DYNC1LI2: variants seen among roughly 807,000 people sequenced by gnomAD.
DYNC1LI2 encodes the protein cytoplasmic dynein 1 light intermediate chain 2.
DYNC1LI2 carries 19 observed loss-of-function variants against 57.8 expected under a neutral mutation model. That is an observed-to-expected ratio of 0.33 (90% CI 0.23 to 0.48). The LOEUF is 0.48. Among genes scored for constraint, DYNC1LI2 ranks in the 20% least tolerant of loss-of-function variants. The pLI is 0.99. For synonymous variants in DYNC1LI2, 256 were observed against 233.4 expected (o/e 1.10, Z -0.88); for missense variants, 470 against 604.2 (o/e 0.78, Z 2.33).
intron 5 of DYNC1LI2, among the ~76,000 whole-genome samples, chr16:66,734,897 T>C (rs1343414756): frequency 1.4e-5 from 2 of 139,482 alleles, no homozygotes; most frequent in Non-Finnish European, 1.5e-5. Flanking sequence ...CTCAGGAGGC[T>C]GAGGTAGGAG....
At chr16:66,728,165 T>C (rs1189277844) in intron 10 of DYNC1LI2, 36 bp downstream of exon 10, 12 of 1,613,584 alleles carry the variant, frequency 7.4e-6, no homozygotes, top group Non-Finnish European at 9.3e-6. Context: ...CCCACAACAC[T>C]GGGCCTTGAC....
At chr16:66,725,990 A>C in intron 11 of DYNC1LI2, 46 bp from the exon 12 acceptor site, 1 of 1,588,648 alleles carries the variant, frequency 6.3e-7, no homozygotes, top group Non-Finnish European at 8.5e-7. Flanking sequence ...AAACTGGAAG[A>C]CTTAAAATTA....
intron 4 of DYNC1LI2, 150 bp downstream of exon 4, chr16:66,742,288 G>A: frequency 4.2e-6 from 3 of 720,632 alleles, no homozygotes; most frequent in Non-Finnish European, 6.7e-6. Flanking sequence ...TTTGACTACT[G>A]AGTTTACAAG....
intron 4 of DYNC1LI2, chr16:66,738,349 A>G (rs571380526): frequency 1.3e-5 from 2 of 149,098 alleles, no homozygotes; most frequent in Non-Finnish European, 1.5e-5. Flanking sequence ...GCCGGGTTTA[A>G]GTAATTCTCT....
intron 3 of DYNC1LI2, among the ~76,000 whole-genome samples, chr16:66,748,272 T>G (rs1412475923): frequency 1.2e-5 from 1 of 80,886 alleles, no homozygotes; most frequent in African/African-American, 6.2e-5. Context: ...AGTAAAACCC[T>G]GTCTCAAAAA....
intron 9 of DYNC1LI2, 134 bp from the exon 10 acceptor site, chr16:66,728,376 G>A (rs1026308067): frequency 6.1e-6 from 6 of 985,644 alleles, no homozygotes; most frequent in Non-Finnish European, 8.9e-6. Context: ...TTATACCACA[G>A]ATGCCAAAAA....
intron 2 of DYNC1LI2, among the ~76,000 whole-genome samples, chr16:66,749,655 AG>A (rs1357073238): frequency 6.6e-6 from 1 of 152,218 alleles, no homozygotes; most frequent in African/African-American, 2.4e-5. Context: ...GTTTCTCACA[AG>A]AAAAAGTTTC....
In DYNC1LI2 at chr16:66,721,250, A is replaced by G. The variant is rs2017446840; in HGVS notation, c.*2472T>C. On this transcript the variant is annotated 3_prime_UTR_variant, in exon 13 of 13. Coordinates refer to ENST00000258198, the MANE Select transcript of DYNC1LI2 (RefSeq NM_006141.3). ...AGTGCAAACAAAATAACAATCTAGC[A>G]GCATTATCTGTTGCATTTTTAGGAA... 1 of 152,622 alleles carries G rather than the reference A, an allele frequency of 6.6e-6. No individual in the cohort carries two copies. Among genetic ancestry groups the G allele is most frequent in the Non-Finnish European group, 1.5e-5 (1 of 68,044 alleles). The allele number at this position is 152,622 out of a possible 1,614,324, so 9.5% of individuals were successfully genotyped here.
rs551532207 is a variant in DYNC1LI2 at position 66,737,937 on chromosome 16, T to C, written c.530-1693A>G. ...AGCCAGAGAAGAAAACAGGCAGCTC[T>C]ACCCTTCTAAGTCCAGTAAGACTGA... On this transcript the variant is annotated intron_variant, in intron 4 of 12. Transcript: ENST00000258198. Among the ~76,000 whole-genome samples, 9 of 152,292 alleles carry C rather than the reference T, an allele frequency of 5.9e-5. No homozygotes were observed. In the South Asian group the frequency reaches 1.7e-3, roughly 28 times the overall value.
chr16:66,745,520 C>T (rs540644970), intron 3 of DYNC1LI2, among the ~76,000 whole-genome samples: 16 of 148,576 alleles, frequency 1.1e-4, no homozygotes, highest in African/African-American at 3.9e-4. Flanking sequence ...TCAAGGGGTC[C>T]GCCCACCTCA....
At position 66,722,337 on chromosome 16, in the gene DYNC1LI2, T is replaced by C. The variant is rs974148764; in HGVS notation, c.*1385A>G. On this transcript the variant is annotated 3_prime_UTR_variant, in exon 13 of 13. Transcript: ENST00000258198. ...CTCCACATGGTGAACTGTGGTTTTT[T>C]CCCTTGGTTTGACAACATTTTATAC... 5 of 152,658 alleles carry C rather than the reference T, an allele frequency of 3.3e-5. No homozygotes were observed. The highest frequency in any genetic ancestry group is 3.3e-4 in the Admixed American group (5 of 15,284). 9.5% of individuals were successfully genotyped at this position (152,658 alleles called of 1,614,324 possible).
At chr16:66,725,473 C>T (rs6499095) in intron 12 of DYNC1LI2, among the ~76,000 whole-genome samples, 76,707 of 151,816 alleles carry the variant, frequency 0.51, 20,255 homozygotes, top group African/African-American at 0.64. Flanking sequence ...CAAAACTCCA[C>T]CTTGGAAAAA....
In DYNC1LI2 at chr16:66,722,961, T is replaced by C. The variant is rs1013542892; in HGVS notation, c.*761A>G. On this transcript the variant is annotated 3_prime_UTR_variant, in exon 13 of 13. Coordinates refer to ENST00000258198, the MANE Select transcript of DYNC1LI2 (RefSeq NM_006141.3). ...CAGTGACTGTCTGCCCCACAACACA[T>C]ATCCGTGGACCCCAGTACCTCTCAC... The C allele has an allele frequency of 2.3e-5, 4 of 174,694 alleles. No homozygotes were observed. Among genetic ancestry groups the C allele is most frequent in the African/African-American group, 9.5e-5 (4 of 42,304 alleles). The allele number at this position is 174,694 out of a possible 1,614,324, so 10.8% of individuals were successfully genotyped here. A position where few individuals can be genotyped will look rare whatever the true frequency, so the allele number is the denominator to read the frequency against.
At chr16:66,732,260 T>C in intron 7 of DYNC1LI2, 79 bp downstream of exon 7, 1 of 1,535,540 alleles carries the variant, frequency 6.5e-7, no homozygotes, top group Non-Finnish European at 8.7e-7. Flanking sequence ...AGAAGGCACC[T>C]TCCTTGAAGG....
chr16:66,741,701 G>T (rs1380448071), intron 4 of DYNC1LI2, among the ~76,000 whole-genome samples: 1 of 151,872 alleles, frequency 6.6e-6, no homozygotes, highest in East Asian at 1.9e-4. Context: ...CATGGCTCCA[G>T]CCCCTGCCCC....
chr16:66,724,074 G>A (rs561733765), intron 12 of DYNC1LI2, among the ~76,000 whole-genome samples: 7 of 152,208 alleles, frequency 4.6e-5, no homozygotes, highest in African/African-American at 1.4e-4. Flanking sequence ...GGCGGGGGGT[G>A]CCTTTGTGCC....
chr16:66,747,003 A>T (rs2017947563), intron 3 of DYNC1LI2, among the ~76,000 whole-genome samples: 2 of 152,172 alleles, frequency 1.3e-5, no homozygotes, highest in South Asian at 4.1e-4. Context: ...CCCTGTATGT[A>T]CAGACTCCAG....
intron 10 of DYNC1LI2, 147 bp from the exon 11 acceptor site, chr16:66,727,952 GCTCT>G: frequency 2.3e-6 from 2 of 866,620 alleles, no homozygotes; most frequent in Non-Finnish European, 1.8e-6. Flanking sequence ...GCCCTTTCTG[GCTCT>G]CTTTCTCCTG....
intron 11 of DYNC1LI2, among the ~76,000 whole-genome samples, chr16:66,726,531 C>T (rs1055707173): frequency 2.6e-5 from 4 of 152,224 alleles, no homozygotes; most frequent in East Asian, 1.9e-4. Flanking sequence ...TGGTGGCTCA[C>T]GCCTGTAATC....
Sources: allele counts gnomAD v4.1 joint callset (sites outside exome capture counted in the v4.1 genomes callset), GRCh38; gene constraint gnomAD v4.1.1; transcripts MANE v1.5; gene names NCBI Gene and HGNC (gene_info 2026-07-23, HGNC 2026-07-21).